Variants in ZMYM4 observed in about 807,000 individuals in gnomAD.
The protein encoded by ZMYM4 is zinc finger MYM-type protein 4.
In ZMYM4, 31 loss-of-function variants were observed where a neutral mutation model predicts 183.2. The observed-to-expected ratio is 0.17, with a 90% CI of 0.13 to 0.23. The LOEUF (loss-of-function observed/expected upper bound fraction) is 0.23. Ranked by LOEUF, ZMYM4 falls within the 10% of genes least tolerant of loss-of-function variation. The pLI is 1.00. For synonymous variants in ZMYM4, 592 were observed against 631.2 expected (o/e 0.94, Z 0.93); for missense variants, 1,273 against 1,840.3 (o/e 0.69, Z 5.64).
intron 7 of ZMYM4, among the ~76,000 whole-genome samples, chr1:35,379,409 AT>A (rs1199733800): frequency 2.0e-5 from 3 of 151,842 alleles, no homozygotes; most frequent in Admixed American, 2.0e-4. Flanking sequence ...TAAGTTTTGC[AT>A]TTTTTAGTAG....
intron 13 of ZMYM4, among the ~76,000 whole-genome samples, chr1:35,388,405 A>G (rs1188212143): frequency 6.6e-6 from 1 of 152,102 alleles, no homozygotes; most frequent in African/African-American, 2.4e-5. Flanking sequence ...GGGCTTCACC[A>G]TGTTGGCCAG....
intron 13 of ZMYM4, 46 bp downstream of exon 13, chr1:35,387,650 T>C (rs1275645321): frequency 4.5e-6 from 7 of 1,558,820 alleles, no homozygotes; most frequent in Non-Finnish European, 6.0e-6. Flanking sequence ...TTGGTTGTTT[T>C]AAAGCAGTTG....
chr1:35,385,624 A>G (rs768750010), intron 10 of ZMYM4, 32 bp downstream of exon 10: 112 of 1,558,116 alleles, frequency 7.2e-5, no homozygotes, highest in East Asian at 4.2e-4. Context: ...ATGAAATGCA[A>G]TGGTTGAAAA....
At chr1:35,324,099 C>A (rs568514656) in intron 1 of ZMYM4, among the ~76,000 whole-genome samples, 1 of 150,678 alleles carries the variant, frequency 6.6e-6, no homozygotes, top group South Asian at 2.1e-4. Flanking sequence ...TTTGTTATTT[C>A]TTTGGTATTT....
intron 1 of ZMYM4, 101 bp downstream of exon 1, chr1:35,269,186 G>T: frequency 7.1e-7 from 1 of 1,399,694 alleles, no homozygotes; most frequent in Non-Finnish European, 9.5e-7. Context: ...CCGAGGCCCA[G>T]TTAGGACAAG....
At chr1:35,349,830 TAAA>T (rs80243856) in intron 2 of ZMYM4, among the ~76,000 whole-genome samples, 2 of 128,462 alleles carry the variant, frequency 1.6e-5, no homozygotes, top group African/African-American at 2.9e-5. Flanking sequence ...ACTCTGTCTT[TAAA>T]AAAAAAAAAA....
At chr1:35,271,224 G>A (rs77259289) in intron 1 of ZMYM4, among the ~76,000 whole-genome samples, 2 of 152,152 alleles carry the variant, frequency 1.3e-5, no homozygotes, top group African/African-American at 4.8e-5. Flanking sequence ...TTCTGTACTA[G>A]GATGTTCTAG....
intron 26 of ZMYM4, among the ~76,000 whole-genome samples, chr1:35,408,857 G>A (rs1639748588): frequency 6.6e-6 from 1 of 152,190 alleles, no homozygotes. Flanking sequence ...CATTCTTAAT[G>A]TGCAGTCATC....
chr1:35,289,957 T>G (rs1369504374), intron 1 of ZMYM4, among the ~76,000 whole-genome samples: 1 of 151,812 alleles, frequency 6.6e-6, no homozygotes, highest in Non-Finnish European at 1.5e-5. Context: ...TTCTTTCTTT[T>G]CTTTTTTTTC....
chr1:35,309,506 T>C (rs927182783), intron 1 of ZMYM4, among the ~76,000 whole-genome samples: 25 of 152,232 alleles, frequency 1.6e-4, no homozygotes, highest in African/African-American at 6.0e-4. Flanking sequence ...TGATCATTTA[T>C]ATGTGTATAA....
intron 2 of ZMYM4, among the ~76,000 whole-genome samples, chr1:35,355,653 A>G (rs781765186): frequency 3.9e-5 from 6 of 152,072 alleles, no homozygotes; most frequent in Non-Finnish European, 7.4e-5. Flanking sequence ...CCATTTTTAA[A>G]GTCACATTTG....
chr1:35,330,380 T>C (rs975990143), intron 2 of ZMYM4, among the ~76,000 whole-genome samples: 1 of 152,160 alleles, frequency 6.6e-6, no homozygotes, highest in Non-Finnish European at 1.5e-5. Context: ...TTATCCCTAG[T>C]GTGTGACTTC....
chr1:35,357,467 G>A (rs1015039592), intron 2 of ZMYM4, among the ~76,000 whole-genome samples: 3 of 152,176 alleles, frequency 2.0e-5, no homozygotes, highest in African/African-American at 7.2e-5. Flanking sequence ...GTTTATAAGG[G>A]TATGGTTGCT....
At chr1:35,289,577 AAC>A (rs1640660880) in intron 1 of ZMYM4, among the ~76,000 whole-genome samples, 1 of 152,194 alleles carries the variant, frequency 6.6e-6, no homozygotes. Context: ...GTGATTACTT[AAC>A]ACCTACAGTG....
intron 1 of ZMYM4, among the ~76,000 whole-genome samples, chr1:35,273,891 C>CT (rs1306113703): frequency 6.6e-6 from 1 of 152,060 alleles, no homozygotes; most frequent in Non-Finnish European, 1.5e-5. Flanking sequence ...AAAATGTAGA[C>CT]TATAAAATGT....
rs1452098602 is a variant in ZMYM4 at position 35,282,979 on chromosome 1, G to GTTT, written c.39+13894_39+13895insTTT. On this transcript the variant is annotated intron_variant, in intron 1 of 29. Coordinates refer to ENST00000314607, the MANE Select transcript of ZMYM4 (RefSeq NM_005095.3). ...AATACTTGTTGTTTTCTGTGTGTGT[G>GTTT]GTTTTTTTTTTTTTTTTTTTTTTTT... is the stretch of plus-strand genomic sequence containing the variant. Among the ~76,000 whole-genome samples the GTTT allele has an allele frequency of 1.4e-3, 60 of 43,262 alleles. 2 individuals are homozygous for GTTT. Among genetic ancestry groups the GTTT allele is most frequent in the Admixed American group, 8.9e-3 (35 of 3,928 alleles). The allele number at this position is 43,262 out of a possible 152,430, so 28.4% of individuals were successfully genotyped here. A position where few individuals can be genotyped will look rare whatever the true frequency, so the allele number is the denominator to read the frequency against.
At chr1:35,373,379 T>G (rs560181203) in intron 7 of ZMYM4, among the ~76,000 whole-genome samples, 10 of 140,146 alleles carry the variant, frequency 7.1e-5, no homozygotes, top group Admixed American at 2.3e-4. Flanking sequence ...TTTTTTTTTT[T>G]CTTTTTTTTT....
At chr1:35,287,666 C>T (rs933753707) in intron 1 of ZMYM4, among the ~76,000 whole-genome samples, 4 of 151,942 alleles carry the variant, frequency 2.6e-5, no homozygotes, top group African/African-American at 7.3e-5. Context: ...AATGCAGTGA[C>T]GCAATCTCGG....
chr1:35,372,850 G>C (rs1644244406), intron 7 of ZMYM4, among the ~76,000 whole-genome samples: 1 of 152,192 alleles, frequency 6.6e-6, no homozygotes, highest in South Asian at 2.1e-4. Flanking sequence ...GGGATACTCA[G>C]CCTGTTCTTT....
Sources: allele counts gnomAD v4.1 joint callset (sites outside exome capture counted in the v4.1 genomes callset), GRCh38; gene constraint gnomAD v4.1.1; transcripts MANE v1.5; gene names NCBI Gene and HGNC (gene_info 2026-07-23, HGNC 2026-07-21).